Variants in ROBO1 observed in about 807,000 individuals in gnomAD.
ROBO1 encodes the protein roundabout guidance receptor 1.
A neutral mutation model predicts 195.9 loss-of-function variants in ROBO1; 149 were observed. The ratio of observed to expected loss-of-function variants is 0.76; its 90% CI spans 0.67 to 0.87. The LOEUF (loss-of-function observed/expected upper bound fraction) is 0.87, where lower values mean the gene tolerates loss of function less well. Among genes scored for constraint, ROBO1 ranks in the 40% least tolerant of loss-of-function variants. The pLI is 0.00. For synonymous variants in ROBO1, 816 were observed against 733.2 expected, an observed-to-expected ratio of 1.11 and a Z score of -1.82; for missense variants, 1,933 against 2,068.3, an observed-to-expected ratio of 0.93 and a Z score of 1.27.
intron 2 of ROBO1, among the ~76,000 whole-genome samples, chr3:79,280,800 T>A (rs1026950048): frequency 2.0e-5 from 3 of 152,182 alleles, no homozygotes; most frequent in Non-Finnish European, 2.9e-5. Context: ...GCCTGCAACC[T>A]ACATTGCTCG....
intron 2 of ROBO1, among the ~76,000 whole-genome samples, chr3:79,538,720 G>A (rs1189280991): frequency 6.6e-6 from 1 of 152,054 alleles, no homozygotes; most frequent in African/African-American, 2.4e-5. Flanking sequence ...ACTGCTGTTT[G>A]GTTACAATGT....
At chr3:78,633,802 C>A (rs1010503133) in intron 24 of ROBO1, 133 bp downstream of exon 24, 2 of 498,046 alleles carry the variant, frequency 4.0e-6, no homozygotes, top group Middle Eastern at 2.9e-4. Context: ...AGACAAGACA[C>A]ATGCCTGAGA....
At chr3:79,055,618 T>TG (rs1379368691) in intron 3 of ROBO1, among the ~76,000 whole-genome samples, 4 of 151,990 alleles carry the variant, frequency 2.6e-5, no homozygotes, top group African/African-American at 9.7e-5. Flanking sequence ...ACTGGCACAA[T>TG]GGGGGGCTGA....
intron 2 of ROBO1, among the ~76,000 whole-genome samples, chr3:79,271,902 T>G (rs900327767): frequency 6.6e-6 from 1 of 152,054 alleles, no homozygotes; most frequent in Non-Finnish European, 1.5e-5. Flanking sequence ...TTCTAAATTA[T>G]TTTGAAATGT....
intron 2 of ROBO1, among the ~76,000 whole-genome samples, chr3:79,195,517 T>G (rs926196458): frequency 6.6e-6 from 1 of 151,648 alleles, no homozygotes; most frequent in African/African-American, 2.4e-5. Flanking sequence ...ACTTTTTACT[T>G]TTTGAAAATT....
intron 2 of ROBO1, among the ~76,000 whole-genome samples, chr3:79,179,710 T>A (rs1276744630): frequency 6.6e-6 from 1 of 152,206 alleles, no homozygotes; most frequent in African/African-American, 2.4e-5. Context: ...TGAATACTTT[T>A]GAAGCTTGTT....
chr3:78,630,901 A>C (rs762212586), intron 25 of ROBO1, among the ~76,000 whole-genome samples: 25 of 152,210 alleles, frequency 1.6e-4, no homozygotes, highest in Non-Finnish European at 3.1e-4. Context: ...ATACACACAC[A>C]GGATAGATAC....
chr3:79,181,288 C>A (rs1354363446), intron 2 of ROBO1, among the ~76,000 whole-genome samples: 3 of 152,108 alleles, frequency 2.0e-5, no homozygotes, highest in Admixed American at 2.0e-4. Flanking sequence ...GGTAAGCTAC[C>A]TAATCACAGA....
intron 1 of ROBO1, among the ~76,000 whole-genome samples, chr3:79,638,609 A>G (rs910214883): frequency 6.6e-6 from 1 of 152,154 alleles, no homozygotes; most frequent in Non-Finnish European, 1.5e-5. Flanking sequence ...GAACCTGACA[A>G]GCAGATTAAT....
intron 3 of ROBO1, among the ~76,000 whole-genome samples, chr3:78,999,343 C>T (rs1229012799): frequency 6.6e-6 from 1 of 152,030 alleles, no homozygotes; most frequent in African/African-American, 2.4e-5. Flanking sequence ...TAAAATGTGA[C>T]ATGGAATACT....
intron 1 of ROBO1, among the ~76,000 whole-genome samples, chr3:79,638,728 T>C (rs1469937407): frequency 1.3e-5 from 2 of 152,226 alleles, no homozygotes; most frequent in East Asian, 1.9e-4. Flanking sequence ...GCTTGACTAA[T>C]ACTGATGAAA....
chr3:79,443,296 T>C (rs924437689), intron 2 of ROBO1, among the ~76,000 whole-genome samples: 3 of 152,104 alleles, frequency 2.0e-5, no homozygotes, highest in African/African-American at 7.2e-5. Context: ...TCATAAGAAT[T>C]CACTCAGAGC....
chr3:79,370,927 A>C (rs906068211), intron 2 of ROBO1, among the ~76,000 whole-genome samples: 5 of 152,008 alleles, frequency 3.3e-5, no homozygotes, highest in Admixed American at 6.6e-5. Flanking sequence ...ATGAGTGAGA[A>C]CATGTGGTGT....
chr3:79,744,481 G>A (rs1703784928), intron 1 of ROBO1, among the ~76,000 whole-genome samples: 2 of 152,094 alleles, frequency 1.3e-5, no homozygotes, highest in African/African-American at 4.8e-5. Flanking sequence ...TTAGGTCATG[G>A]GGATGGAGTC....
rs192035241 is a variant in ROBO1 at position 79,546,201 on chromosome 3, A to G, written c.88+43623T>C. 1.2e-4 allele frequency among the ~76,000 whole-genome samples: 19 copies of G among 152,102 alleles called. No homozygotes were observed. In the East Asian group the frequency reaches 3.5e-3, roughly 28 times the overall value. The stretch of plus-strand genomic sequence containing the variant: ...TTTTTCTCATGACTTTCTTTCCTCT[A>G]GCTTACGTTATTGCAAAAATACAGC... On this transcript the variant is annotated intron_variant, in intron 2 of 30. Coordinates refer to ENST00000464233, the MANE Select transcript of ROBO1 (RefSeq NM_002941.4).
chr3:78,769,682 A>C (rs1168311187), intron 4 of ROBO1, among the ~76,000 whole-genome samples: 1 of 83,908 alleles, frequency 1.2e-5, no homozygotes, highest in Non-Finnish European at 2.3e-5. Context: ...TGTGTGATTT[A>C]TGCTTTAAAG....
chr3:79,236,712 T>C (rs2082412488), intron 2 of ROBO1, among the ~76,000 whole-genome samples: 1 of 152,218 alleles, frequency 6.6e-6, no homozygotes, highest in Non-Finnish European at 1.5e-5. Context: ...GGCTCTGTGG[T>C]ATGCATAAGC....
chr3:79,463,226 T>A (rs909008359), intron 2 of ROBO1, among the ~76,000 whole-genome samples: 6 of 151,836 alleles, frequency 4.0e-5, no homozygotes, highest in Non-Finnish European at 8.8e-5. Context: ...ACAAAAAAAG[T>A]TAGCTGGGCG....
intron 5 of ROBO1, among the ~76,000 whole-genome samples, chr3:78,732,802 C>T (rs1576043875): frequency 6.6e-6 from 1 of 152,096 alleles, no homozygotes; most frequent in South Asian, 2.1e-4. Context: ...TTAAGCTCAA[C>T]TGCTTTTGAA....
Sources: gnomAD v4.1 joint callset for allele counts (sites outside exome capture counted in the v4.1 genomes callset) on GRCh38, gnomAD v4.1.1 for gene constraint, MANE v1.5 for transcripts, NCBI Gene and HGNC (gene_info 2026-07-23, HGNC 2026-07-21) for gene names.